Variants in SGSM3 observed in about 807,000 individuals in gnomAD.
SGSM3 encodes small G protein signaling modulator 3.
In SGSM3, 96 loss-of-function variants were observed where a neutral mutation model predicts 100.5. That is an observed-to-expected ratio of 0.96 (90% CI 0.81 to 1.13). SGSM3 has a LOEUF of 1.13. SGSM3 is among the 50% of genes most tolerant of loss of function. The probability of loss-of-function intolerance (pLI) is 0.00; values close to 1 mark genes in which losing one functional copy is unlikely to be tolerated. For missense variants in SGSM3, 1,001 were observed against 1,015.8 expected, an observed-to-expected ratio of 0.99 and a Z score of 0.20; for synonymous variants, 483 against 422.8, an observed-to-expected ratio of 1.14 and a Z score of -1.75.
intron 1 of SGSM3, among the ~76,000 whole-genome samples, chr22:40,378,719 T>C (rs921392729): frequency 2.6e-5 from 4 of 152,026 alleles, no homozygotes; most frequent in Non-Finnish European, 4.4e-5. Flanking sequence ...AGCGAGACTC[T>C]GTCTCAAAAA....
At chr22:40,406,918 C>T (rs1409977110) in intron 10 of SGSM3, 99 bp from the exon 11 acceptor site, 10 of 1,204,074 alleles carry the variant, frequency 8.3e-6, no homozygotes, top group East Asian at 5.1e-5. Context: ...TTGGAGCCAG[C>T]GTCAGAGGCT....
Position 40,407,016 on chromosome 22 carries a change from GGTT to G in SGSM3, c.1189_1191del (p.Val397del). The G allele has an allele frequency of 6.4e-7, 1 of 1,571,406 alleles. No homozygotes were observed. The highest frequency in any genetic ancestry group is 8.6e-7 in the Non-Finnish European group (1 of 1,157,986). On this transcript the variant is annotated inframe_deletion and splice_region_variant, in exon 11 of 22. Coordinates refer to ENST00000248929, the MANE Select transcript of SGSM3 (RefSeq NM_015705.6). This position sits in a 1 kb window ranked among gnomAD's most constrained non-coding sequence, Gnocchi z 4.7. ...ACCCTGACCCACTCCTCTTGGTGCAGGTTGTTCGCCGCAGGACCCAGCGGAGGA... is the reference window on the plus strand; with the variant it reads ...ACCCTGACCCACTCCTCTTGGTGCAGGTTCGCCGCAGGACCCAGCGGAGGA...
chr22:40,393,613 G>T (rs141023679), intron 1 of SGSM3, among the ~76,000 whole-genome samples: 1 of 152,184 alleles, frequency 6.6e-6, no homozygotes, highest in Admixed American at 6.5e-5. Flanking sequence ...TGAGTGACAC[G>T]GATGATCACC....
Position 40,405,672 on chromosome 22 carries a change from C to A in SGSM3, c.642C>A (p.Phe214Leu), listed in dbSNP as rs775838041. The change falls in exon 8 of 22, where the codon TTC (phenylalanine) becomes TTA (leucine). Residue 214 changes from phenylalanine (F) to leucine (L), a missense_variant. Transcript: ENST00000248929. ...AGGTGGCCGCCTGCCTCCTGCTGTT[C>A]CTGGAGGAGGAGGACGCCTTCTGGA... ...TGMVAACLLLFLEEEDAFWMM... is the reference protein window; with the variant it reads ...TGMVAACLLLLLEEEDAFWMM... 6.2e-7 allele frequency: 1 copy of A among 1,613,424 alleles called. No individual in the cohort carries two copies. The highest frequency in any genetic ancestry group is 1.1e-5 in the South Asian group (1 of 91,014).
rs1352554058 is a variant in SGSM3, at chr22:40,407,517, T to C, written c.1473T>C (p.Phe491=). 4.3e-6 allele frequency: 7 copies of C among 1,609,206 alleles called. No individual in the cohort carries two copies. The highest frequency in any genetic ancestry group is 5.9e-6 in the Non-Finnish European group (7 of 1,179,976). ...GCCGAGCCAAGGCCCTGCTGGACTT[T>C]GAGCGGCACGACGACGACGAGCTGG... ...HRRRAKALLD[F]ERHDDDELGF... Residue 491 remains phenylalanine (F), a synonymous_variant, in exon 13 of 22, where the codon TTT becomes TTC. Transcript: ENST00000248929. The surrounding 1 kb of genome is among the most constrained non-coding windows in gnomAD (Gnocchi z 4.7).
At position 40,408,408 on chromosome 22, in the gene SGSM3, C is replaced by T. The variant is rs61729163; in HGVS notation, c.1761C>T (p.His587=). Residue 587 remains histidine, a synonymous_variant, in exon 16 of 22, where the codon CAC becomes CAT. Coordinates refer to ENST00000248929, the MANE Select transcript of SGSM3 (RefSeq NM_015705.6). ...CATCCCTGCTTGGGGGCGCCTGCCACCCCTGGCTGTTTATCGAGGAGGTAA... is the reference window on the plus strand; with the variant it reads ...CATCCCTGCTTGGGGGCGCCTGCCATCCCTGGCTGTTTATCGAGGAGGTAA... ...KKPSLLGGAC[H]PWLFIEEAAG... 3.3e-4 allele frequency: 531 copies of T among 1,613,542 alleles called. 2 individuals carry two copies. In the African/African-American group the frequency reaches 6.3e-3, roughly 19 times the overall value.
intron 7 of SGSM3, 100 bp from the exon 8 acceptor site, chr22:40,405,549 C>A (rs181631117): frequency 8.5e-5 from 99 of 1,161,308 alleles, no homozygotes; most frequent in Non-Finnish European, 1.2e-4. Context: ...TGCGTGCCCC[C>A]CAAGAGGCTT....
intron 4 of SGSM3, 128 bp from the exon 5 acceptor site, chr22:40,404,119 T>C: frequency 1.4e-6 from 1 of 693,470 alleles, no homozygotes; most frequent in Non-Finnish European, 2.3e-6. Context: ...TATGGGAATC[T>C]GGATATGGTG....
At chr22:40,385,901 G>C (rs2048336716) in intron 1 of SGSM3, among the ~76,000 whole-genome samples, 1 of 152,084 alleles carries the variant, frequency 6.6e-6, no homozygotes, top group Admixed American at 6.6e-5. Flanking sequence ...GCCCAGGCTG[G>C]AGTGCAGTGG....
chr22:40,409,203 A>G (rs779457292), intron 19 of SGSM3, 47 bp from the exon 20 acceptor site: 128 of 1,560,362 alleles, frequency 8.2e-5, no homozygotes, highest in Non-Finnish European at 1.1e-4. Context: ...CTGCAGCCAG[A>G]AGGGCCTGGA....
At chr22:40,371,675 A>C (rs1470871442) in intron 1 of SGSM3, among the ~76,000 whole-genome samples, 2 of 151,744 alleles carry the variant, frequency 1.3e-5, no homozygotes, top group Non-Finnish European at 2.9e-5. Context: ...TTGGTGATTA[A>C]TTTGTAATTC....
At chr22:40,387,198 T>C (rs550995178) in intron 1 of SGSM3, 18 of 398,606 alleles carry the variant, frequency 4.5e-5, no homozygotes, top group African/African-American at 2.7e-4. Flanking sequence ...TTAACACATA[T>C]TATTTTTCCT....
Position 40,407,944 on chromosome 22 carries a change from A to G in SGSM3, c.1579+101A>G. On this transcript the variant is annotated intron_variant, in intron 14 of 21. Coordinates refer to ENST00000248929, the MANE Select transcript of SGSM3 (RefSeq NM_015705.6). This position sits in a 1 kb window ranked among gnomAD's most constrained non-coding sequence, Gnocchi z 4.7. ...GCCACCAAGCTGTTCTCCTCTATAC[A>G]CCTGCCTGGCTTGAGGTCCCTGAAG... The G allele has an allele frequency of 2.2e-5, 32 of 1,453,310 alleles. No homozygotes were observed. The highest frequency in any genetic ancestry group is 3.0e-5 in the Non-Finnish European group (32 of 1,057,374). 90.0% of individuals were successfully genotyped at this position (1,453,310 alleles called of 1,614,324 possible).
Position 40,407,769 on chromosome 22 carries a change from C to CTGTT in SGSM3, c.1525-18_1525-15dup. On this transcript the variant is annotated intron_variant, in intron 13 of 21. Transcript: ENST00000248929. The surrounding 1 kb of genome is among the most constrained non-coding windows in gnomAD (Gnocchi z 4.7). The stretch of plus-strand genomic sequence containing the variant: ...CCAGGGCACCCAGCTTTGGTTCCTG[C>CTGTT]TGTTTTTCCTCCTGTGCAGATCGTG... The CTGTT allele has an allele frequency of 6.2e-7, 1 of 1,613,964 alleles. No individual in the cohort carries two copies. Among genetic ancestry groups the CTGTT allele is most frequent in the South Asian group, 1.1e-5 (1 of 91,082 alleles).
intron 6 of SGSM3, 77 bp from the exon 7 acceptor site, chr22:40,405,063 GA>G: frequency 6.9e-7 from 1 of 1,443,980 alleles, no homozygotes; most frequent in Non-Finnish European, 9.1e-7. Context: ...TTCTGGGGGA[GA>G]AGCCCGCCTG....
chr22:40,383,728 G>A (rs1601813962), intron 1 of SGSM3, among the ~76,000 whole-genome samples: 1 of 152,122 alleles, frequency 6.6e-6, no homozygotes, highest in African/African-American at 2.4e-5. Flanking sequence ...AAAGAGATTG[G>A]GGTCTATGGA....
At position 40,400,753 on chromosome 22, in the gene SGSM3, G is replaced by A. The variant is rs1298238593; in HGVS notation, c.-54G>A. 1 of 1,547,592 alleles carries A rather than the reference G, an allele frequency of 6.5e-7. No homozygotes were observed. Among genetic ancestry groups the A allele is most frequent in the Non-Finnish European group, 8.7e-7 (1 of 1,143,316 alleles). On this transcript the variant is annotated 5_prime_UTR_variant, in exon 2 of 22. Coordinates refer to ENST00000248929, the MANE Select transcript of SGSM3 (RefSeq NM_015705.6). ...GAGCCTTCCAGCTCTAAGATAGCAGGATAGGAGACTTCTAAGATTGGAGCT... is the reference window on the plus strand; with the variant it reads ...GAGCCTTCCAGCTCTAAGATAGCAGAATAGGAGACTTCTAAGATTGGAGCT...
In SGSM3 at chr22:40,400,702, T is replaced by C; in HGVS notation, c.-105T>C. The C allele has an allele frequency of 9.0e-7, 1 of 1,106,448 alleles. No individual in the cohort carries two copies. The highest frequency in any genetic ancestry group is 2.2e-5 in the Admixed American group (1 of 46,208). 68.5% of individuals were successfully genotyped at this position (1,106,448 alleles called of 1,614,324 possible). A position where few individuals can be genotyped will look rare whatever the true frequency, so the allele number is the denominator to read the frequency against. On this transcript the variant is annotated 5_prime_UTR_variant, in exon 2 of 22. It removes an upstream start codon present in the reference 5' UTR. Transcript: ENST00000248929. The stretch of plus-strand genomic sequence containing the variant: ...CTCTTTTCTCTTCTAACAGGGCAGA[T>C]GATTCTGGACCAGATGAAGCCTGAG...
At chr22:40,397,047 A>G (rs1008743198) in intron 1 of SGSM3, among the ~76,000 whole-genome samples, 1 of 152,142 alleles carries the variant, frequency 6.6e-6, no homozygotes, top group African/African-American at 2.4e-5. Context: ...AGCCACCCTG[A>G]CGTGGCTAAC....
Sources: gnomAD v4.1 joint callset for allele counts (sites outside exome capture counted in the v4.1 genomes callset) on GRCh38, gnomAD v4.1.1 for gene constraint, Gnocchi (gnomAD v3.1) non-coding constraint, MANE v1.5 for transcripts, NCBI Gene and HGNC (gene_info 2026-07-23, HGNC 2026-07-21) for gene names.